ASIC2: variants seen among roughly 807,000 people sequenced by gnomAD.
ASIC2 encodes the protein acid-sensing ion channel 2.
Under a neutral mutation model 57.3 loss-of-function variants are expected in ASIC2, and 25 were observed. The ratio of observed to expected loss-of-function variants is 0.44; its 90% CI spans 0.32 to 0.61. The LOEUF is 0.61. Ranked by LOEUF, ASIC2 falls within the 20% of genes least tolerant of loss-of-function variation. The probability of loss-of-function intolerance (pLI) is 0.06; values close to 1 mark genes in which losing one functional copy is unlikely to be tolerated. For synonymous variants in ASIC2, 319 were observed against 307.5 expected (o/e 1.04, Z -0.39); for missense variants, 641 against 738.1 (o/e 0.87, Z 1.52).
intron 1 of ASIC2, among the ~76,000 whole-genome samples, chr17:33,206,801 A>T (rs1399300053): frequency 6.6e-6 from 1 of 152,146 alleles, no homozygotes; most frequent in Non-Finnish European, 1.5e-5. Flanking sequence ...GAGTTACTGG[A>T]GATCAGAATT....
At chr17:33,635,340 T>C (rs777637727) in intron 1 of ASIC2, among the ~76,000 whole-genome samples, 12 of 152,364 alleles carry the variant, frequency 7.9e-5, no homozygotes, top group East Asian at 1.9e-4. Context: ...GTCATTATTA[T>C]CCTCTTTTCC....
chr17:33,630,320 G>T (rs1356819308), intron 1 of ASIC2, among the ~76,000 whole-genome samples: 2 of 152,128 alleles, frequency 1.3e-5, no homozygotes, highest in Non-Finnish European at 2.9e-5. Flanking sequence ...TGGTTCACAT[G>T]GTTCCTTTTC....
At chr17:33,015,922 GT>G (rs757840701) in intron 9 of ASIC2, 48 bp downstream of exon 9, 2 of 1,600,970 alleles carry the variant, frequency 1.2e-6, no homozygotes, top group South Asian at 1.1e-5. Flanking sequence ...TGTACTGCCG[GT>G]ACAAGCCAGA....
At chr17:33,937,064 A>G (rs1445636199) in intron 1 of ASIC2, among the ~76,000 whole-genome samples, 9 of 152,086 alleles carry the variant, frequency 5.9e-5, no homozygotes, top group African/African-American at 1.7e-4. Context: ...TTCACCCACT[A>G]TGCCAGCCTA....
At chr17:33,675,556 A>G (rs1338233227) in intron 1 of ASIC2, among the ~76,000 whole-genome samples, 1 of 150,678 alleles carries the variant, frequency 6.6e-6, no homozygotes, top group African/African-American at 2.5e-5. Flanking sequence ...TTATAGGTAC[A>G]TCTCATTTTA....
At chr17:33,225,056 T>C (rs918222674) in intron 1 of ASIC2, among the ~76,000 whole-genome samples, 1 of 152,154 alleles carries the variant, frequency 6.6e-6, no homozygotes, top group African/African-American at 2.4e-5. Context: ...AGACCTGGCA[T>C]AGAAAAGGCA....
intron 3 of ASIC2, among the ~76,000 whole-genome samples, chr17:33,077,844 A>C (rs2092095790): frequency 6.6e-6 from 1 of 152,112 alleles, no homozygotes; most frequent in Non-Finnish European, 1.5e-5. Context: ...AGTCAGCAAG[A>C]CTGTTCATAT....
intron 1 of ASIC2, among the ~76,000 whole-genome samples, chr17:33,217,822 C>T (rs1907553202): frequency 6.6e-6 from 1 of 152,304 alleles, no homozygotes; most frequent in Non-Finnish European, 1.5e-5. Context: ...GTAGGTACTC[C>T]ATGCCTGTTT....
chr17:34,138,436 C>T lies in ASIC2; in HGVS notation c.555+17542G>A, dbSNP rs114053277. On this transcript the variant is annotated intron_variant, in intron 1 of 9. Coordinates refer to the ASIC2 transcript ENST00000359872. ...GAGGAGGGTCTGCTGCATGAATTCC[C>T]TGGAGATCCACACATGGAAGCACAA... Among the ~76,000 whole-genome samples the T allele has an allele frequency of 8.8e-3, 1,292 of 146,728 alleles. 18 individuals carry two copies. The highest frequency in any genetic ancestry group is 0.031 in the African/African-American group (1,231 of 39,602).
intron 3 of ASIC2, among the ~76,000 whole-genome samples, chr17:33,050,375 C>T (rs1462756562): frequency 6.6e-6 from 1 of 152,164 alleles, no homozygotes. Context: ...CAGTCAGCCT[C>T]AGTATCAAAT....
chr17:33,246,048 C>T (rs2142125697), intron 1 of ASIC2, among the ~76,000 whole-genome samples: 1 of 150,288 alleles, frequency 6.7e-6, no homozygotes, highest in African/African-American at 2.4e-5. Context: ...AAAAAAGTCA[C>T]TGTGGATTCC....
At chr17:34,038,885 G>T in intron 1 of ASIC2, 5 of 1,612,618 alleles carry the variant, frequency 3.1e-6, no homozygotes, top group Non-Finnish European at 4.2e-6. Flanking sequence ...TTCCCTCTGT[G>T]AATTTATCCT....
At chr17:33,813,553 C>T (rs988274270) in intron 1 of ASIC2, among the ~76,000 whole-genome samples, 1 of 152,202 alleles carries the variant, frequency 6.6e-6, no homozygotes, top group African/African-American at 2.4e-5. Flanking sequence ...TCTCCTGCCT[C>T]AGCCTCCTGA....
chr17:33,061,760 G>C (rs1351177378), intron 3 of ASIC2, among the ~76,000 whole-genome samples: 1 of 152,150 alleles, frequency 6.6e-6, no homozygotes, highest in Non-Finnish European at 1.5e-5. Flanking sequence ...CTTGTACTCT[G>C]GTAGATTTTG....
chr17:34,057,692 T>C (rs1908820103), intron 1 of ASIC2, among the ~76,000 whole-genome samples: 1 of 152,042 alleles, frequency 6.6e-6, no homozygotes, highest in Admixed American at 6.6e-5. Flanking sequence ...GGTCAAGGAT[T>C]AGGACTGCGG....
intron 1 of ASIC2, among the ~76,000 whole-genome samples, chr17:33,950,848 T>C (rs1004141254): frequency 6.6e-6 from 1 of 152,240 alleles, no homozygotes; most frequent in Non-Finnish European, 1.5e-5. Flanking sequence ...CACTTTCTTT[T>C]TGGGAAAAAG....
At chr17:33,474,530 A>G (rs1913156621) in intron 1 of ASIC2, among the ~76,000 whole-genome samples, 1 of 152,208 alleles carries the variant, frequency 6.6e-6, no homozygotes, top group Non-Finnish European at 1.5e-5. Flanking sequence ...GGGGAACGGA[A>G]GAGAACTGAT....
At chr17:33,108,486 C>T (rs920465440) in intron 2 of ASIC2, among the ~76,000 whole-genome samples, 38 of 152,276 alleles carry the variant, frequency 2.5e-4, no homozygotes, top group Admixed American at 3.9e-4. Flanking sequence ...CCATCATCCT[C>T]GGGATCAATG....
chr17:33,653,027 C>A (rs1906970704), intron 1 of ASIC2, among the ~76,000 whole-genome samples: 1 of 152,160 alleles, frequency 6.6e-6, no homozygotes, highest in South Asian at 2.1e-4. Context: ...TCTCTTTATG[C>A]CTTAGCTACA....
Sources: gnomAD v4.1 joint callset for allele counts (sites outside exome capture counted in the v4.1 genomes callset) on GRCh38, gnomAD v4.1.1 for gene constraint, MANE v1.5 for transcripts, NCBI Gene and HGNC (gene_info 2026-07-23, HGNC 2026-07-21) for gene names.